Variants in ZNF385D observed in about 807,000 individuals in gnomAD.
The protein encoded by ZNF385D is zinc finger protein 385D.
In ZNF385D, 15 loss-of-function variants were observed where a neutral mutation model predicts 35.8. The ratio of observed to expected loss-of-function variants is 0.42; its 90% confidence interval spans 0.28 to 0.64. ZNF385D has a LOEUF of 0.64. Among genes scored for constraint, ZNF385D ranks in the 30% least tolerant of loss-of-function variants. The pLI is 0.23. For synonymous variants in ZNF385D, 212 were observed against 186.8 expected, an observed-to-expected ratio of 1.13 and a Z score of -1.10; for missense variants, 474 against 494.6, an observed-to-expected ratio of 0.96 and a Z score of 0.39.
chr3:21,766,550 C>T (rs986129533), intron 3 of ZNF385D, among the ~76,000 whole-genome samples: 1 of 152,074 alleles, frequency 6.6e-6, no homozygotes, highest in Non-Finnish European at 1.5e-5. Flanking sequence ...TTTCTGGTAA[C>T]TCACTATATA....
chr3:21,921,819 A>G (rs1559756644), intron 3 of ZNF385D, among the ~76,000 whole-genome samples: 1 of 149,268 alleles, frequency 6.7e-6, no homozygotes, highest in Non-Finnish European at 1.5e-5. Flanking sequence ...CAGACCAGCA[A>G]GTTTTGAAAC....
intron 2 of ZNF385D, among the ~76,000 whole-genome samples, chr3:22,322,121 C>T (rs1352995507): frequency 1.3e-5 from 2 of 152,060 alleles, no homozygotes; most frequent in Non-Finnish European, 2.9e-5. Flanking sequence ...TTTTTAGTTT[C>T]ATTCACACTT....
chr3:21,796,590 G>C (rs377139507), intron 3 of ZNF385D, among the ~76,000 whole-genome samples: 1 of 152,076 alleles, frequency 6.6e-6, no homozygotes, highest in South Asian at 2.1e-4. Flanking sequence ...CAGACCTTCA[G>C]ACCTTACACT....
intron 2 of ZNF385D, among the ~76,000 whole-genome samples, chr3:22,273,746 A>T (rs565139963): frequency 6.6e-6 from 1 of 152,180 alleles, no homozygotes; most frequent in East Asian, 1.9e-4. Flanking sequence ...CAGGAAGTTG[A>T]ATACGCAAAT....
At chr3:21,767,496 A>C (rs1033034555) in intron 3 of ZNF385D, among the ~76,000 whole-genome samples, 3 of 151,998 alleles carry the variant, frequency 2.0e-5, no homozygotes, top group African/African-American at 7.2e-5. Context: ...GTTATCATTG[A>C]CTCCATACTT....
intron 2 of ZNF385D, among the ~76,000 whole-genome samples, chr3:22,201,005 AATT>A (rs1696755652): frequency 6.6e-6 from 1 of 152,064 alleles, no homozygotes; most frequent in Non-Finnish European, 1.5e-5. Flanking sequence ...CAGTTAATGC[AATT>A]ATTACAGGGT....
rs115727148 is a variant in ZNF385D at position 21,787,086 on chromosome 3, G to T, written c.326-122058C>A. Reference sequence around the variant, plus strand: ...TAAGAGAGCAAACAATAATAGATAAGTGATATCAAATCATTTTTGGAAGAT... The same window carrying T: ...TAAGAGAGCAAACAATAATAGATAATTGATATCAAATCATTTTTGGAAGAT... On this transcript the variant is annotated intron_variant, in intron 3 of 5. Transcript: ENST00000494108. 2.9e-3 allele frequency among the ~76,000 whole-genome samples: 439 copies of T among 152,256 alleles called. 2 individuals are homozygous for T. Among genetic ancestry groups the T allele is most frequent in the African/African-American group, 9.8e-3 (406 of 41,554 alleles).
rs371127901 is a variant in ZNF385D, at chr3:22,171,090, T to C, written c.107-2055A>G. On this transcript the variant is annotated intron_variant, in intron 2 of 5. Transcript: ENST00000494108. ...CTTTAGCATTTCTGTATTTAAAAAA[T>C]TGCACATGATGACCATTTATTATGA... 6.0e-5 allele frequency among the ~76,000 whole-genome samples: 9 copies of C among 150,898 alleles called. 1 individual carries two copies. In the South Asian group the frequency reaches 1.0e-3, roughly 18 times the overall value.
intron 3 of ZNF385D, among the ~76,000 whole-genome samples, chr3:22,019,582 TTTTA>T (rs1441799197): frequency 3.3e-5 from 5 of 151,982 alleles, no homozygotes; most frequent in African/African-American, 4.8e-5. Flanking sequence ...TAAAAAATCC[TTTTA>T]TTTGTGTCTG....
intron 2 of ZNF385D, among the ~76,000 whole-genome samples, chr3:22,340,920 T>C (rs149972735): frequency 6.6e-6 from 1 of 152,348 alleles, no homozygotes; most frequent in African/African-American, 2.4e-5. Context: ...AGGACATCTT[T>C]CCTTTGTATA....
chr3:21,454,910 T>C (rs150320648), intron 4 of ZNF385D, among the ~76,000 whole-genome samples: 1,699 of 152,278 alleles, frequency 0.011, 85 homozygotes, highest in Admixed American at 0.085. Flanking sequence ...ACAAAATCAA[T>C]GTGCAAAAAT....
At chr3:21,993,363 A>G (rs1047347640) in intron 3 of ZNF385D, among the ~76,000 whole-genome samples, 5 of 152,130 alleles carry the variant, frequency 3.3e-5, no homozygotes, top group African/African-American at 1.2e-4. Flanking sequence ...CCATTTTGTG[A>G]TAATTTACTT....
chr3:22,204,817 C>A (rs963510027), intron 2 of ZNF385D, among the ~76,000 whole-genome samples: 2 of 151,218 alleles, frequency 1.3e-5, no homozygotes, highest in African/African-American at 4.9e-5. Flanking sequence ...CTCACAGTCA[C>A]AGGAGAAAAA....
chr3:21,789,093 G>T (rs1221670316), intron 3 of ZNF385D, among the ~76,000 whole-genome samples: 2 of 152,052 alleles, frequency 1.3e-5, no homozygotes, highest in South Asian at 4.1e-4. Flanking sequence ...AAAATAAAAA[G>T]AAATTGTTCA....
intron 2 of ZNF385D, among the ~76,000 whole-genome samples, chr3:21,586,638 G>A (rs9822059): frequency 0.19 from 29,060 of 152,166 alleles, 2,873 homozygotes; most frequent in East Asian, 0.27. Flanking sequence ...AGGCTTGCAA[G>A]AAGGATGGAA....
At chr3:22,050,709 G>C (rs552871577) in intron 3 of ZNF385D, among the ~76,000 whole-genome samples, 1 of 152,026 alleles carries the variant, frequency 6.6e-6, no homozygotes, top group African/African-American at 2.4e-5. Context: ...TAATTTCTCC[G>C]ATTTTATCTG....
chr3:21,646,787 G>C lies in ZNF385D; in HGVS notation c.165+18099C>G, dbSNP rs1394961052. Among the ~76,000 whole-genome samples, 2 of 152,074 alleles carry C rather than the reference G, an allele frequency of 1.3e-5. No homozygotes were observed. Among genetic ancestry groups the C allele is most frequent in the African/African-American group, 4.8e-5 (2 of 41,412 alleles). On this transcript the variant is annotated intron_variant, in intron 2 of 7. Transcript: ENST00000281523. The surrounding 1 kb of genome is among the most constrained non-coding windows in gnomAD (Gnocchi z 4.3). ...ATTAAACCTGCATTCTGGGCCTATG[G>C]CTTTCATACATTCGGTCACAAATAG...
intron 3 of ZNF385D, among the ~76,000 whole-genome samples, chr3:21,826,670 G>T (rs184456540): frequency 1.3e-5 from 2 of 152,124 alleles, no homozygotes; most frequent in Admixed American, 6.5e-5. Context: ...GGGTGGTGGG[G>T]GATACATTCC....
chr3:21,482,282 C>A (rs1402005462), intron 4 of ZNF385D, among the ~76,000 whole-genome samples: 8 of 147,256 alleles, frequency 5.4e-5, no homozygotes, highest in Non-Finnish European at 9.1e-5. Flanking sequence ...TGGGTCAAAT[C>A]TAATACACTG....
Sources: gnomAD v4.1 joint callset for allele counts (sites outside exome capture counted in the v4.1 genomes callset) on GRCh38, gnomAD v4.1.1 for gene constraint, Gnocchi (gnomAD v3.1) non-coding constraint, MANE v1.5 for transcripts, NCBI Gene and HGNC (gene_info 2026-07-23, HGNC 2026-07-21) for gene names.